Variants in PADI1 observed in about 807,000 individuals in gnomAD.
PADI1 encodes peptidyl arginine deiminase 1, also known as protein-arginine deiminase type-1.
Under a neutral mutation model 74.8 loss-of-function variants are expected in PADI1, and 65 were observed. The ratio of observed to expected loss-of-function variants is 0.87; its 90% confidence interval spans 0.71 to 1.07. PADI1 has a LOEUF of 1.07. Ranked by LOEUF, PADI1 falls within the 50% of genes least tolerant of loss-of-function variation. The probability of loss-of-function intolerance (pLI) is 0.00; values close to 1 mark genes in which losing one functional copy is unlikely to be tolerated. For missense variants in PADI1, 943 were observed against 854.0 expected, an observed-to-expected ratio of 1.10 and a Z score of -1.30; for synonymous variants, 371 against 336.2, an observed-to-expected ratio of 1.10 and a Z score of -1.13.
intron 1 of PADI1, among the ~76,000 whole-genome samples, chr1:17,220,026 G>A (rs1399843749): frequency 6.6e-6 from 1 of 152,078 alleles, no homozygotes; most frequent in African/African-American, 2.4e-5. Flanking sequence ...CAGGAGACTT[G>A]GGGTTTCCAT....
intron 4 of PADI1, among the ~76,000 whole-genome samples, chr1:17,225,174 C>T (rs2072273149): frequency 6.6e-6 from 1 of 152,142 alleles, no homozygotes; most frequent in South Asian, 2.1e-4. Context: ...GGTTTAAAGG[C>T]CAGCTATGCG....
At position 17,225,791 on chromosome 1, in the gene PADI1, G is replaced by C. The variant is rs1212113122; in HGVS notation, c.409-20G>C. The C allele has an allele frequency of 6.3e-7, 1 of 1,597,740 alleles. No individual in the cohort carries two copies. Among genetic ancestry groups the C allele is most frequent in the Non-Finnish European group, 8.6e-7 (1 of 1,165,318 alleles). On this transcript the variant is annotated intron_variant, in intron 4 of 15. Coordinates refer to ENST00000375471, the MANE Select transcript of PADI1 (RefSeq NM_013358.3). ...GCCTCCTGGGTCCCACTGATCCCAAGGCATCTTATTTTGCCACAGAAAACC... is the reference window on the plus strand; with the variant it reads ...GCCTCCTGGGTCCCACTGATCCCAACGCATCTTATTTTGCCACAGAAAACC...
chr1:17,240,736 C>G lies in PADI1; in HGVS notation c.1734C>G (p.Tyr578Ter), dbSNP rs747045477. The change falls in exon 15 of 16, where the codon TAC becomes TAG. Residue 578 changes from tyrosine (Y) to a stop codon, truncating the protein, a stop_gained. Transcript: ENST00000375471. LOFTEE classifies it high-confidence loss of function. The stretch of plus-strand genomic sequence containing the variant: ...AGCTCTTCTTCCTGAAAAACTTCTA[C>G]GCGGAAGCCTTCTTCCCAGACATGG... ...IPQLFFLKNFYAEAFFPDMVN... is the reference protein window; with the variant it reads ...IPQLFFLKNF The G allele has an allele frequency of 6.2e-7, 1 of 1,614,070 alleles. No individual in the cohort carries two copies. Among genetic ancestry groups the G allele is most frequent in the Non-Finnish European group, 8.5e-7 (1 of 1,179,932 alleles).
intron 10 of PADI1, among the ~76,000 whole-genome samples, chr1:17,230,891 A>T (rs1215328568): frequency 2.6e-5 from 4 of 152,222 alleles, no homozygotes; most frequent in African/African-American, 9.6e-5. Flanking sequence ...AATAGGCAGC[A>T]GCCTGATTGT....
chr1:17,230,698 A>G lies in PADI1; in HGVS notation c.1161+19A>G. ...GATCCTGGTACGTAGCGACAGGTAG[A>G]GTGCAGAAACCCTGGTTGGGTCCTC... On this transcript the variant is annotated intron_variant, in intron 10 of 15. Transcript: ENST00000375471. 1 of 1,469,432 alleles carries G rather than the reference A, an allele frequency of 6.8e-7. No homozygotes were observed. The highest frequency in any genetic ancestry group is 9.5e-7 in the Non-Finnish European group (1 of 1,054,276). The allele number at this position is 1,469,432 out of a possible 1,614,324, so 91.0% of individuals were successfully genotyped here.
In PADI1 at chr1:17,228,640, C is replaced by T. The variant is rs548115210; in HGVS notation, c.668C>T (p.Ser223Leu). The stretch of plus-strand genomic sequence containing the variant: ...TTCTTCCTAGGTGGGAATTCTCTCT[C>T]GGACTACAAACAGGTGCTGGGGCCC... ...VFCARGGNSL[S>L]DYKQVLGPQC... Residue 223 changes from serine (S) to leucine (L), a missense_variant, in exon 7 of 16, where the codon TCG becomes TTG. Physicochemically the swap from Ser to Leu is moderately radical, Grantham distance 145. Transcript: ENST00000375471. The T allele has an allele frequency of 1.3e-5, 21 of 1,614,204 alleles. No homozygotes were observed. In the Admixed American group the frequency reaches 1.7e-4, roughly 13 times the overall value.
chr1:17,205,167 G>A lies in PADI1; in HGVS notation c.-51G>A, dbSNP rs368568459. The A allele has an allele frequency of 1.2e-5, 17 of 1,459,360 alleles. 1 individual carries two copies. Among genetic ancestry groups the A allele is most frequent in the South Asian group, 4.6e-5 (4 of 87,046 alleles). 90.4% of individuals were successfully genotyped at this position (1,459,360 alleles called of 1,614,324 possible). On this transcript the variant is annotated 5_prime_UTR_variant, in exon 1 of 16. Coordinates refer to ENST00000375471, the MANE Select transcript of PADI1 (RefSeq NM_013358.3). The stretch of plus-strand genomic sequence containing the variant: ...TTCCTGGCAAAGAAGTGCCCAGGAC[G>A]GGAGCTGGGGAGCCAGGGCTGATCT...
chr1:17,237,928 C>T (rs760457926), intron 12 of PADI1, among the ~76,000 whole-genome samples: 26 of 152,204 alleles, frequency 1.7e-4, no homozygotes, highest in Admixed American at 8.5e-4. Context: ...CTTGGGAAGG[C>T]ATGGCCAGGG....
intron 6 of PADI1, among the ~76,000 whole-genome samples, chr1:17,228,137 T>C (rs1221300764): frequency 1.3e-5 from 2 of 152,088 alleles, no homozygotes; most frequent in Non-Finnish European, 2.9e-5. Flanking sequence ...ACTACAGACA[T>C]GTGCCACCAC....
rs769530981 is a variant in PADI1, at chr1:17,228,709, A to G, written c.737A>G (p.Glu246Gly). ...YEVERQPGEQEIKFYVEGLTF... is the reference protein window; with the variant it reads ...YEVERQPGEQGIKFYVEGLTF... ...GTTGAGCGACAGCCAGGGGAGCAGG[A>G]GATCAAGTTCTATGTGGAGGGGCTG... is the stretch of plus-strand genomic sequence containing the variant. The change falls in exon 7 of 16, where the codon GAG becomes GGG. Residue 246 changes from glutamate (E) to glycine (G), a missense_variant. Coordinates refer to ENST00000375471, the MANE Select transcript of PADI1 (RefSeq NM_013358.3). 2.5e-6 allele frequency: 4 copies of G among 1,614,076 alleles called. No individual in the cohort carries two copies. The highest frequency in any genetic ancestry group is 2.7e-5 in the African/African-American group (2 of 74,932).
At chr1:17,214,026 C>T (rs2071905239) in intron 1 of PADI1, among the ~76,000 whole-genome samples, 1 of 152,186 alleles carries the variant, frequency 6.6e-6, no homozygotes. Flanking sequence ...CCAGGAAGGT[C>T]TGAACCAGGG....
At chr1:17,231,906 C>T (rs1173757538) in intron 10 of PADI1, among the ~76,000 whole-genome samples, 1 of 151,690 alleles carries the variant, frequency 6.6e-6, no homozygotes, top group African/African-American at 2.4e-5. Flanking sequence ...CCTCACCCCA[C>T]ATCAGCCTTT....
At chr1:17,241,031 G>A (rs1264828329) in intron 15 of PADI1, among the ~76,000 whole-genome samples, 1 of 152,108 alleles carries the variant, frequency 6.6e-6, no homozygotes, top group Non-Finnish European at 1.5e-5. Flanking sequence ...CAGAGCATAG[G>A]ATGCCCCGCC....
At chr1:17,242,689 A>C (rs1044809793) in intron 15 of PADI1, among the ~76,000 whole-genome samples, 1 of 152,188 alleles carries the variant, frequency 6.6e-6, no homozygotes, top group African/African-American at 2.4e-5. Flanking sequence ...TTGGTTTGTC[A>C]TATGGGGAAA....
chr1:17,212,019 T>C (rs2071844868), intron 1 of PADI1, among the ~76,000 whole-genome samples: 1 of 152,320 alleles, frequency 6.6e-6, no homozygotes. Context: ...GGAAGGTACG[T>C]TGAGGCAGAG....
At chr1:17,240,930 ATTTTGCCCCCAGGGGATTT>A (rs1266562969) in intron 15 of PADI1, among the ~76,000 whole-genome samples, 170 bp downstream of exon 15, 2 of 152,120 alleles carry the variant, frequency 1.3e-5, no homozygotes, top group Non-Finnish European at 2.9e-5. Context: ...AACCAGGGCA[ATTTTGCCCCCAGGGGATTT>A]TTGTTGCCGC....
intron 15 of PADI1, among the ~76,000 whole-genome samples, chr1:17,241,479 G>T (rs1044662871): frequency 1.3e-5 from 2 of 151,328 alleles, no homozygotes; most frequent in Admixed American, 6.6e-5. Flanking sequence ...TCGGAATCGG[G>T]ATGGAATCAG....
chr1:17,222,273 T>A lies in PADI1; in HGVS notation c.93-17T>A, dbSNP rs2072176179. On this transcript the variant is annotated splice_polypyrimidine_tract_variant and intron_variant, in intron 1 of 15. Coordinates refer to ENST00000375471, the MANE Select transcript of PADI1 (RefSeq NM_013358.3). ...GATGGGAAGACTGGTTCTCTTCCCA[T>A]CTCTCTTCTCTGCCAGTGATGTGCC... The A allele has an allele frequency of 1.2e-6, 2 of 1,607,282 alleles. No homozygotes were observed. The highest frequency in any genetic ancestry group is 4.5e-5 in the East Asian group (2 of 44,816).
At chr1:17,206,683 CTTTTTTTT>C (rs796276122) in intron 1 of PADI1, among the ~76,000 whole-genome samples, 2 of 109,762 alleles carry the variant, frequency 1.8e-5, no homozygotes, top group East Asian at 4.9e-4. Flanking sequence ...TTTTCTTTTT[CTTTTTTTT>C]TTTTTTTTTT....
Sources: allele counts gnomAD v4.1 joint callset (sites outside exome capture counted in the v4.1 genomes callset), GRCh38; gene constraint gnomAD v4.1.1; transcripts MANE v1.5; gene names NCBI Gene and HGNC (gene_info 2026-07-23, HGNC 2026-07-21).